UBE2W: variants seen among roughly 807,000 people sequenced by gnomAD.
The protein encoded by UBE2W is ubiquitin-conjugating enzyme E2 W.
UBE2W carries 18 observed loss-of-function variants against 27.2 expected under a neutral mutation model. The observed-to-expected ratio is 0.66, with a 90% confidence interval of 0.46 to 0.98. The LOEUF is 0.98. UBE2W is among the 50% of genes least tolerant of loss of function. The pLI, the probability that UBE2W is intolerant of heterozygous loss-of-function variation, is 0.00. For synonymous variants in UBE2W, 53 were observed against 57.2 expected (o/e 0.93, Z 0.33); for missense variants, 90 against 180.2 (o/e 0.50, Z 2.87).
downstream of UBE2W, among the ~76,000 whole-genome samples, chr8:73,784,673 C>T (rs952214259): frequency 6.6e-6 from 1 of 152,068 alleles, no homozygotes; most frequent in Non-Finnish European, 1.5e-5. Flanking sequence ...CCTGAACCAC[C>T]CTAGAGTGGG....
intron 1 of UBE2W, among the ~76,000 whole-genome samples, chr8:73,862,759 T>A: frequency 8.4e-6 from 1 of 119,730 alleles, no homozygotes. Context: ...CATCAAAAAG[T>A]GGGCGAAGGA....
At chr8:73,853,571 T>C (rs922130473) in intron 1 of UBE2W, among the ~76,000 whole-genome samples, 4 of 152,200 alleles carry the variant, frequency 2.6e-5, no homozygotes, top group Admixed American at 2.0e-4. Context: ...CAGCAAAATA[T>C]ATTTAATTGG....
At chr8:73,807,765 T>A (rs1186833751) in intron 4 of UBE2W, among the ~76,000 whole-genome samples, 3 of 152,176 alleles carry the variant, frequency 2.0e-5, no homozygotes, top group Admixed American at 6.5e-5. Flanking sequence ...AAAAAATACA[T>A]ATTTAGAAAA....
chr8:73,822,701 T>C (rs1809674522), intron 3 of UBE2W, among the ~76,000 whole-genome samples: 1 of 149,718 alleles, frequency 6.7e-6, no homozygotes, highest in African/African-American at 2.5e-5. Context: ...GTAGGATCAC[T>C]TGAGCCCAGG....
At chr8:73,782,618 T>A (rs1309600760), downstream of UBE2W, among the ~76,000 whole-genome samples, 1 of 152,228 alleles carries the variant, frequency 6.6e-6, no homozygotes, top group Non-Finnish European at 1.5e-5. Context: ...GACTGAATAT[T>A]ATTCCATTGT....
chr8:73,805,783 G>C, intron 4 of UBE2W, 57 bp from the exon 5 acceptor site: 1 of 1,018,898 alleles, frequency 9.8e-7, no homozygotes, highest in Non-Finnish European at 1.4e-6. Flanking sequence ...GAGGGTGACA[G>C]TTTTAATAAA....
chr8:73,810,093 C>G (rs1809092824), intron 4 of UBE2W, among the ~76,000 whole-genome samples: 1 of 152,076 alleles, frequency 6.6e-6, no homozygotes, highest in African/African-American at 2.4e-5. Context: ...CGGGTGGGAG[C>G]TGGCAGAGGG....
At chr8:73,829,978 T>C (rs1474924275) in intron 2 of UBE2W, among the ~76,000 whole-genome samples, 1 of 152,162 alleles carries the variant, frequency 6.6e-6, no homozygotes, top group Non-Finnish European at 1.5e-5. Context: ...AGGACGCAAT[T>C]GATGTTTTTA....
chr8:73,833,100 G>A (rs893436997), intron 1 of UBE2W, among the ~76,000 whole-genome samples: 8 of 147,826 alleles, frequency 5.4e-5, no homozygotes, highest in South Asian at 4.3e-4. Flanking sequence ...CAGAAGAATC[G>A]CTTGAACCCG....
At chr8:73,869,389 T>C (rs909395542) in intron 1 of UBE2W, among the ~76,000 whole-genome samples, 4 of 152,218 alleles carry the variant, frequency 2.6e-5, no homozygotes, top group Non-Finnish European at 5.9e-5. Context: ...AAACCCCGTC[T>C]CTACAAAAAT....
intron 1 of UBE2W, among the ~76,000 whole-genome samples, chr8:73,832,121 C>A (rs1314919106): frequency 4.4e-5 from 6 of 136,412 alleles, no homozygotes; most frequent in East Asian, 2.0e-4. Context: ...AACAAACAAA[C>A]AAAAAAAATA....
At position 73,788,605 on chromosome 8, in the gene UBE2W, T is replaced by A; in HGVS notation, c.*5497A>T. On this transcript the variant is annotated 3_prime_UTR_variant, in exon 6 of 6. Coordinates refer to ENST00000602593, the MANE Select transcript of UBE2W (RefSeq NM_018299.6). ...AGTTCCTTATGGTAGATTTCAGGCTTTAAATTGTAAGTTTCAGGCTTCAAA... is the reference window on the plus strand; with the variant it reads ...AGTTCCTTATGGTAGATTTCAGGCTATAAATTGTAAGTTTCAGGCTTCAAA... 1.0e-6 allele frequency: 1 copy of A among 985,462 alleles called. No homozygotes were observed. The highest frequency in any genetic ancestry group is 1.2e-6 in the Non-Finnish European group (1 of 829,930). 61.0% of individuals were successfully genotyped at this position (985,462 alleles called of 1,614,324 possible). A position where few individuals can be genotyped will look rare whatever the true frequency, so the allele number is the denominator to read the frequency against.
At chr8:73,825,335 C>T (rs1809791903) in intron 2 of UBE2W, 86 bp from the exon 3 acceptor site, 2 of 860,862 alleles carry the variant, frequency 2.3e-6, no homozygotes, top group Admixed American at 2.8e-5. Flanking sequence ...ACTTCCTATA[C>T]ACTAAGCACT....
At chr8:73,810,223 C>T (rs1375427122) in intron 4 of UBE2W, among the ~76,000 whole-genome samples, 2 of 152,134 alleles carry the variant, frequency 1.3e-5, no homozygotes, top group East Asian at 1.9e-4. Flanking sequence ...AAGAAAATAC[C>T]GTACATTTCC....
rs1254096250 is a variant in UBE2W, at chr8:73,786,825, CTGAG to C, written c.*7273_*7276del. The stretch of plus-strand genomic sequence containing the variant: ...CTTGAAAAATGCAAGGAGAGGACTA[CTGAG>C]TATCATTGCTTGATTAAGTTGGATG... On this transcript the variant is annotated 3_prime_UTR_variant, in exon 6 of 6. Coordinates refer to ENST00000602593, the MANE Select transcript of UBE2W (RefSeq NM_018299.6). The C allele has an allele frequency of 2.0e-5, 20 of 985,236 alleles. No individual in the cohort carries two copies. The highest frequency in any genetic ancestry group is 2.4e-5 in the Non-Finnish European group (20 of 829,932). The allele number at this position is 985,236 out of a possible 1,614,324, so 61.0% of individuals were successfully genotyped here. A position where few individuals can be genotyped will look rare whatever the true frequency, so the allele number is the denominator to read the frequency against.
At chr8:73,795,396 T>C (rs1237761000) in intron 5 of UBE2W, among the ~76,000 whole-genome samples, 2 of 152,172 alleles carry the variant, frequency 1.3e-5, no homozygotes, top group African/African-American at 2.4e-5. Context: ...CCATGTGACT[T>C]GCCTGCTCTC....
intron 1 of UBE2W, among the ~76,000 whole-genome samples, chr8:73,851,714 GAAC>G (rs1438144075): frequency 6.6e-6 from 1 of 152,044 alleles, no homozygotes; most frequent in African/African-American, 2.4e-5. Context: ...CATTACTAAT[GAAC>G]AACTGGAGGA....
chr8:73,872,958 G>A (rs1256966245), intron 1 of UBE2W, among the ~76,000 whole-genome samples: 5 of 147,082 alleles, frequency 3.4e-5, no homozygotes, highest in Non-Finnish European at 7.4e-5. Flanking sequence ...CTGGAGTCCA[G>A]TGGCATGATC....
chr8:73,861,959 T>C (rs1811550813), intron 1 of UBE2W, among the ~76,000 whole-genome samples: 1 of 152,242 alleles, frequency 6.6e-6, no homozygotes, highest in Non-Finnish European at 1.5e-5. Context: ...CAAATATAGA[T>C]CTTTCCAATC....
Sources: allele counts gnomAD v4.1 joint callset (sites outside exome capture counted in the v4.1 genomes callset), GRCh38; gene constraint gnomAD v4.1.1; transcripts MANE v1.5; gene names NCBI Gene and HGNC (gene_info 2026-07-23, HGNC 2026-07-21).